The following LMO1 variants were observed in gnomAD, a reference collection of about 807,000 sequenced individuals.
The protein encoded by LMO1 is rhombotin-1.
Under a neutral mutation model 18.0 loss-of-function variants are expected in LMO1, and 10 were observed. The ratio of observed to expected loss-of-function variants is 0.55; its 90% CI spans 0.34 to 0.94. LMO1 has a LOEUF of 0.94. Ranked by LOEUF, LMO1 falls within the 40% of genes least tolerant of loss-of-function variation. LMO1 has a pLI of 0.02. For missense variants in LMO1, 183 were observed against 205.7 expected, an observed-to-expected ratio of 0.89 and a Z score of 0.68; for synonymous variants, 77 against 77.9, an observed-to-expected ratio of 0.99 and a Z score of 0.06.
At chr11:8,261,115 A>G (rs1847179498) in intron 1 of LMO1, among the ~76,000 whole-genome samples, 1 of 152,130 alleles carries the variant, frequency 6.6e-6, no homozygotes, top group African/African-American at 2.4e-5. Context: ...GTCGCTTTTG[A>G]AAGACAGCTA....
At position 8,263,350 on chromosome 11, in the gene LMO1, C is replaced by A. The variant is rs748252128; in HGVS notation, c.13G>T (p.Asp5Tyr). The A allele has an allele frequency of 1.2e-6, 2 of 1,604,844 alleles. No individual in the cohort carries two copies. The highest frequency in any genetic ancestry group is 3.3e-5 in the Admixed American group (2 of 59,854). Reference sequence around the variant, plus strand: ...GCCCGCCACCTACCGTCCTCCTTGTCCAGCACCATCATCTCGGGCGCTCCG... The same window carrying A: ...GCCCGCCACCTACCGTCCTCCTTGTACAGCACCATCATCTCGGGCGCTCCG... MMVLDKEDGVPMLSV... is the reference protein window; with the variant it reads MMVLYKEDGVPMLSV... Residue 5 changes from aspartate to tyrosine, a missense_variant, in exon 1 of 4, where the codon GAC becomes TAC. Asp to Tyr is a radical substitution (Grantham distance 160). Transcript: ENST00000335790.
At chr11:8,268,609 C>A, upstream of LMO1, 1 of 418,926 alleles carries the variant, frequency 2.4e-6, no homozygotes, top group Admixed American at 4.8e-5. Flanking sequence ...GAGTCCGGAG[C>A]GCAGCCCCGC....
intron 1 of LMO1, among the ~76,000 whole-genome samples, chr11:8,240,093 C>A (rs1476288896): frequency 7.5e-6 from 1 of 132,968 alleles, no homozygotes; most frequent in African/African-American, 2.7e-5. Context: ...GTCATCTTTT[C>A]TCCAAGCAAT....
At chr11:8,268,194 C>G (rs571016888), upstream of LMO1, among the ~76,000 whole-genome samples, 1 of 152,328 alleles carries the variant, frequency 6.6e-6, no homozygotes, top group Admixed American at 6.5e-5. Flanking sequence ...CGGGAGACTT[C>G]CTAATCCCGC....
chr11:8,230,894 A>G (rs12807001), intron 1 of LMO1, among the ~76,000 whole-genome samples: 17,242 of 152,238 alleles, frequency 0.11, 1,873 homozygotes, highest in African/African-American at 0.28. Context: ...CAATAAGCCT[A>G]AGAAATGTAG....
rs536712193 is a variant in LMO1, at chr11:8,244,144, G to A, written c.26-13640C>T. 3.4e-4 allele frequency among the ~76,000 whole-genome samples: 52 copies of A among 152,280 alleles called. 1 individual carries two copies. The South Asian group carries it at 6.0e-3, about 18-fold the overall frequency. ...CTCGGGCCTGCAGGGGCTTCACAGG[G>A]AGCCCTTTCTGGAATAAGGAGCACC... On this transcript the variant is annotated intron_variant, in intron 1 of 3. Coordinates refer to ENST00000335790, the MANE Select transcript of LMO1 (RefSeq NM_002315.3).
intron 3 of LMO1, 41 bp from the exon 4 acceptor site, chr11:8,224,762 C>T: frequency 1.4e-6 from 2 of 1,383,656 alleles, no homozygotes; most frequent in Non-Finnish European, 2.0e-6. Context: ...TGGGAAGGTC[C>T]CAGTGGGTAA....
chr11:8,253,678 G>A (rs550737718), intron 1 of LMO1, among the ~76,000 whole-genome samples: 3 of 152,196 alleles, frequency 2.0e-5, no homozygotes, highest in African/African-American at 4.8e-5. Context: ...AGGACTGTAG[G>A]AGCCCAGGCC....
At chr11:8,242,872 A>T (rs1846819597) in intron 1 of LMO1, among the ~76,000 whole-genome samples, 2 of 152,226 alleles carry the variant, frequency 1.3e-5, no homozygotes, top group Admixed American at 6.5e-5. Flanking sequence ...ACACACCATG[A>T]GCACCAGGGG....
intron 1 of LMO1, among the ~76,000 whole-genome samples, chr11:8,259,106 C>T (rs1847144683): frequency 6.6e-6 from 1 of 150,980 alleles, no homozygotes; most frequent in South Asian, 2.1e-4. Context: ...AATCATGAAT[C>T]ATATGGGAAA....
intron 1 of LMO1, among the ~76,000 whole-genome samples, chr11:8,259,642 G>C (rs914493904): frequency 6.6e-6 from 1 of 152,142 alleles, no homozygotes; most frequent in Non-Finnish European, 1.5e-5. Flanking sequence ...ACAGCATCAG[G>C]GCCTGCCTCC....
In LMO1 at chr11:8,224,692, T is replaced by G; in HGVS notation, c.395A>C (p.Lys132Thr). 6.2e-7 allele frequency: 1 copy of G among 1,608,138 alleles called. No homozygotes were observed. Among genetic ancestry groups the G allele is most frequent in the Non-Finnish European group, 8.5e-7 (1 of 1,177,112 alleles). ...RFCVGDKFFLKNNMILCQMDY... is the reference protein window; with the variant it reads ...RFCVGDKFFLTNNMILCQMDY... ...CATCTGACACAAGATCATGTTGTTC[T>G]TCAGGAAGAATTTGTCTCCCACACA... The change falls in exon 4 of 4, where the codon AAG becomes ACG. Residue 132 changes from lysine (K) to threonine (T), a missense_variant. Coordinates refer to ENST00000335790, the MANE Select transcript of LMO1 (RefSeq NM_002315.3).
At chr11:8,232,190 C>T (rs867794298) in intron 1 of LMO1, among the ~76,000 whole-genome samples, 3 of 152,272 alleles carry the variant, frequency 2.0e-5, no homozygotes, top group East Asian at 1.9e-4. Flanking sequence ...CCTGCAGTCC[C>T]GGCAGGGCCT....
rs983492537 is a variant in LMO1, at chr11:8,226,268, G to T, written c.365+707C>A. 1.9e-4 allele frequency among the ~76,000 whole-genome samples: 29 copies of T among 152,186 alleles called. 1 individual carries two copies. The East Asian group carries it at 4.6e-3, about 24-fold the overall frequency. The stretch of plus-strand genomic sequence containing the variant: ...CCAGCAATCTGGGAGGCTGAGGTGG[G>T]CAGATAACCTGAGATCAGGAGTTCA... On this transcript the variant is annotated intron_variant, in intron 3 of 3. Transcript: ENST00000335790.
At chr11:8,235,135 T>C (rs1468054989) in intron 1 of LMO1, among the ~76,000 whole-genome samples, 1 of 121,836 alleles carries the variant, frequency 8.2e-6, no homozygotes, top group African/African-American at 3.3e-5. Context: ...CTGATAGTAT[T>C]AACAGTCACC....
chr11:8,224,570 C>T lies in LMO1; in HGVS notation c.*46G>A. The T allele has an allele frequency of 8.1e-7, 1 of 1,241,254 alleles. No homozygotes were observed. The highest frequency in any genetic ancestry group is 1.2e-6 in the Non-Finnish European group (1 of 869,160). The allele number at this position is 1,241,254 out of a possible 1,614,324, so 76.9% of individuals were successfully genotyped here. A position where few individuals can be genotyped will look rare whatever the true frequency, so the allele number is the denominator to read the frequency against. On this transcript the variant is annotated 3_prime_UTR_variant, in exon 4 of 4. Coordinates refer to ENST00000335790, the MANE Select transcript of LMO1 (RefSeq NM_002315.3). ...CTGGCTGGCCGGCCAGGCAGGTGGG[C>T]AGGCGGGCAGATGGACAGACGGGCC...
rs1293473518 is a variant in LMO1 at position 8,263,622 on chromosome 11, G to GGGAGAA, written c.-261_-260insTTCTCC. ...ACTGCAATTTAGAGAGAGAGGGAGA[G>GGGAGAA]GGAGAGAGAAGGGGGAAAAGAGGAT... On this transcript the variant is annotated 5_prime_UTR_variant, in exon 1 of 4. Coordinates refer to ENST00000335790, the MANE Select transcript of LMO1 (RefSeq NM_002315.3). The GGGAGAA allele has an allele frequency of 2.5e-5, 34 of 1,353,238 alleles. No homozygotes were observed. The highest frequency in any genetic ancestry group is 2.9e-5 in the Non-Finnish European group (31 of 1,057,698). The allele number at this position is 1,353,238 out of a possible 1,614,324, so 83.8% of individuals were successfully genotyped here. A position where few individuals can be genotyped will look rare whatever the true frequency, so the allele number is the denominator to read the frequency against.
upstream of LMO1, among the ~76,000 whole-genome samples, chr11:8,267,259 G>C (rs978122708): frequency 2.0e-5 from 3 of 152,216 alleles, no homozygotes; most frequent in Non-Finnish European, 4.4e-5. Flanking sequence ...AGTTTGCCTT[G>C]TGACTCAAGG....
At chr11:8,239,287 G>A (rs1422618944) in intron 1 of LMO1, among the ~76,000 whole-genome samples, 1 of 152,176 alleles carries the variant, frequency 6.6e-6, no homozygotes, top group African/African-American at 2.4e-5. Flanking sequence ...AAAACCAAGA[G>A]GAATGACTGT....
Sources: allele counts gnomAD v4.1 joint callset (sites outside exome capture counted in the v4.1 genomes callset), GRCh38; gene constraint gnomAD v4.1.1; transcripts MANE v1.5; gene names NCBI Gene and HGNC (gene_info 2026-07-23, HGNC 2026-07-21).